Variants in B4GALNT2 observed in about 807,000 individuals in gnomAD.
The protein encoded by B4GALNT2 is beta-1,4-N-acetyl-galactosaminyltransferase 2 (SID blood group), also known as N-acetylneuraminylgalactosylglucosyl-glucoside beta-1,4-N- acetylgalactosaminyltransferase 2.
B4GALNT2 carries 42 observed loss-of-function variants against 51.1 expected under a neutral mutation model. That is an observed-to-expected ratio of 0.82 (90% confidence interval 0.64 to 1.06). The LOEUF (loss-of-function observed/expected upper bound fraction) is 1.06. Among genes scored for constraint, B4GALNT2 ranks in the 50% least tolerant of loss-of-function variants. B4GALNT2 has a pLI of 0.00. For synonymous variants in B4GALNT2, 253 were observed against 251.7 expected (o/e 1.01, Z -0.05); for missense variants, 602 against 633.6 (o/e 0.95, Z 0.54).
At chr17:49,129,977 C>A (rs1169845384), upstream of B4GALNT2, among the ~76,000 whole-genome samples, 1 of 152,178 alleles carries the variant, frequency 6.6e-6, no homozygotes, top group East Asian at 1.9e-4. Flanking sequence ...AGGGTAGCAG[C>A]AGGGCAGCTG....
In B4GALNT2 at chr17:49,164,212, C is replaced by G; in HGVS notation, c.891C>G (p.Asp297Glu). 1 of 1,613,710 alleles carries G rather than the reference C, an allele frequency of 6.2e-7. No individual in the cohort carries two copies. Among genetic ancestry groups the G allele is most frequent in the Non-Finnish European group, 8.5e-7 (1 of 1,179,602 alleles). ...ACTTGACCGTAATAGTGGCTGATGA[C>G]AGCCAGAAGCCCCTGGAAATTAAAG... ...YPDLTVIVAD[D>E]SQKPLEIKDN... The change falls in exon 8 of 11, where the codon GAC becomes GAG. Residue 297 changes from aspartate (D) to glutamate (E), a missense_variant. Asp to Glu is a conservative substitution (Grantham distance 45, BLOSUM62 2). Coordinates refer to ENST00000393354, the MANE Select transcript of B4GALNT2 (RefSeq NM_001159387.2).
Position 49,175,324 on chromosome 17 carries a change from T to TC in B4GALNT2, c.*5600dup, listed in dbSNP as rs1188947128. The TC allele has an allele frequency of 2.0e-5, 3 of 152,174 alleles. No individual in the cohort carries two copies. The highest frequency in any genetic ancestry group is 2.0e-4 in the Admixed American group (3 of 15,272). The allele number at this position is 152,174 out of a possible 1,614,324, so 9.4% of individuals were successfully genotyped here. A position where few individuals can be genotyped will look rare whatever the true frequency, so the allele number is the denominator to read the frequency against. On this transcript the variant is annotated 3_prime_UTR_variant, in exon 11 of 11. Transcript: ENST00000393354. ...TCTCCTATTCGTTTAATTTCACTTT[T>TC]CCCCATTTCCACATACGGCACAATC...
At chr17:49,142,246 C>G in intron 3 of B4GALNT2, 74 bp downstream of exon 3, 1 of 1,563,916 alleles carries the variant, frequency 6.4e-7, no homozygotes, top group East Asian at 2.3e-5. Context: ...GGTTGTGAAT[C>G]TTAAGAGAAA....
In B4GALNT2 at chr17:49,175,065, T is replaced by C. The variant is rs1455077801; in HGVS notation, c.*5337T>C. On this transcript the variant is annotated 3_prime_UTR_variant, in exon 11 of 11. Coordinates refer to ENST00000393354, the MANE Select transcript of B4GALNT2 (RefSeq NM_001159387.2). ...ATCGGGCCCCTCACAATGCAAAATA[T>C]AATTACTTTGATATACTTCAGGGGC... 1 of 152,176 alleles carries C rather than the reference T, an allele frequency of 6.6e-6. No individual in the cohort carries two copies. The highest frequency in any genetic ancestry group is 2.4e-5 in the African/African-American group (1 of 41,436). 9.4% of individuals were successfully genotyped at this position (152,176 alleles called of 1,614,324 possible). A position where few individuals can be genotyped will look rare whatever the true frequency, so the allele number is the denominator to read the frequency against.
Position 49,173,104 on chromosome 17 carries a change from C to T in B4GALNT2, c.*3376C>T, listed in dbSNP as rs2042967361. On this transcript the variant is annotated 3_prime_UTR_variant, in exon 11 of 11. Coordinates refer to ENST00000393354, the MANE Select transcript of B4GALNT2 (RefSeq NM_001159387.2). ...TTGCATTAGCAACTAGGTGATCAGCCATTTGATTCCCTTCAGTTAAAGGTC... is the reference window on the plus strand; with the variant it reads ...TTGCATTAGCAACTAGGTGATCAGCTATTTGATTCCCTTCAGTTAAAGGTC... 6.6e-6 allele frequency: 1 copy of T among 152,168 alleles called. No homozygotes were observed. The highest frequency in any genetic ancestry group is 2.4e-5 in the African/African-American group (1 of 41,432). The allele number at this position is 152,168 out of a possible 1,614,324, so 9.4% of individuals were successfully genotyped here. A position where few individuals can be genotyped will look rare whatever the true frequency, so the allele number is the denominator to read the frequency against.
At chr17:49,123,977 T>C in the B4GALNT2 span, among the ~76,000 whole-genome samples, 1 of 152,206 alleles carries the variant, frequency 6.6e-6, no homozygotes, top group African/African-American at 2.4e-5. Context: ...CTTATGCAAA[T>C]AACTATATTG....
intron 3 of B4GALNT2, among the ~76,000 whole-genome samples, chr17:49,150,543 T>C (rs1017009978): frequency 1.4e-4 from 22 of 151,784 alleles, no homozygotes; most frequent in African/African-American, 5.1e-4. Flanking sequence ...TAGAAAGAGG[T>C]AGACGTGGGA....
chr17:49,164,693 G>C (rs1013311101), intron 8 of B4GALNT2, among the ~76,000 whole-genome samples: 1 of 151,922 alleles, frequency 6.6e-6, no homozygotes, highest in Non-Finnish European at 1.5e-5. Flanking sequence ...GTAGAGGCAG[G>C]GTTCACCGTG....
At chr17:49,152,934 C>A in intron 4 of B4GALNT2, 28 bp downstream of exon 4, 3 of 1,562,950 alleles carry the variant, frequency 1.9e-6, no homozygotes, top group East Asian at 2.3e-5. Flanking sequence ...CCAAGAGACC[C>A]CAGACAACAT....
rs2042931800 is a variant in B4GALNT2, at chr17:49,168,620, G to A, written c.1096-61G>A. The A allele has an allele frequency of 5.3e-6, 8 of 1,498,538 alleles. No homozygotes were observed. In the South Asian group the frequency reaches 9.5e-5, roughly 18 times the overall value. The allele number at this position is 1,498,538 out of a possible 1,614,324, so 92.8% of individuals were successfully genotyped here. A position where few individuals can be genotyped will look rare whatever the true frequency, so the allele number is the denominator to read the frequency against. On this transcript the variant is annotated intron_variant, in intron 9 of 10. Coordinates refer to ENST00000393354, the MANE Select transcript of B4GALNT2 (RefSeq NM_001159387.2). ...GAGGTGCAGTCCAGCGAGTCTTCCT[G>A]GAAGAGGCAGGATGAATATTGATCT...
At chr17:49,150,368 C>A (rs1489674705) in intron 3 of B4GALNT2, among the ~76,000 whole-genome samples, 1 of 152,044 alleles carries the variant, frequency 6.6e-6, no homozygotes, top group Non-Finnish European at 1.5e-5. Flanking sequence ...CCTGGCCACC[C>A]CTACTGGGAA....
intron 3 of B4GALNT2, among the ~76,000 whole-genome samples, chr17:49,147,331 CTTCTT>C (rs1199385705): frequency 6.6e-6 from 1 of 151,450 alleles, no homozygotes. Context: ...TTTTTTTCCT[CTTCTT>C]TTCTTGTTTT....
intron 7 of B4GALNT2, among the ~76,000 whole-genome samples, chr17:49,162,881 C>A (rs1428497248): frequency 8.5e-6 from 1 of 118,016 alleles, no homozygotes; most frequent in African/African-American, 3.3e-5. Context: ...CCATTGCACT[C>A]CAGTCTGGGT....
chr17:49,142,740 G>A (rs2042656818), intron 3 of B4GALNT2, among the ~76,000 whole-genome samples: 1 of 151,966 alleles, frequency 6.6e-6, no homozygotes, highest in African/African-American at 2.4e-5. Flanking sequence ...AAAACAAAAG[G>A]AATGGAGATA....
chr17:49,135,779 C>T (rs1001445395), intron 1 of B4GALNT2, among the ~76,000 whole-genome samples: 2 of 151,014 alleles, frequency 1.3e-5, no homozygotes, highest in Admixed American at 1.3e-4. Context: ...AAAGGAAAAT[C>T]CTGGCCCGGC....
At chr17:49,164,043 G>A (rs1223679239) in intron 7 of B4GALNT2, 45 bp from the exon 8 acceptor site, 2 of 1,560,144 alleles carry the variant, frequency 1.3e-6, no homozygotes, top group Non-Finnish European at 1.8e-6. Context: ...AGACAGTGAA[G>A]CTTCCTACAG....
intron 6 of B4GALNT2, 93 bp from the exon 7 acceptor site, chr17:49,160,462 C>A (rs1380556291): frequency 1.7e-6 from 2 of 1,180,370 alleles, no homozygotes; most frequent in Non-Finnish European, 1.3e-6. Flanking sequence ...CCCACCAAAC[C>A]TGTACTCGCC....
chr17:49,160,673 G>A (rs1370720143), intron 7 of B4GALNT2, 32 bp downstream of exon 7: 2 of 1,573,354 alleles, frequency 1.3e-6, no homozygotes, highest in Non-Finnish European at 1.7e-6. Context: ...CTCCGTGGTG[G>A]CAACCCTGTG....
intron 5 of B4GALNT2, among the ~76,000 whole-genome samples, chr17:49,157,171 CT>C (rs1459706617): frequency 6.6e-6 from 1 of 152,028 alleles, no homozygotes; most frequent in African/African-American, 2.4e-5. Flanking sequence ...ATGTTGTCTT[CT>C]TTTTTTGAGA....
Sources: allele counts gnomAD v4.1 joint callset (sites outside exome capture counted in the v4.1 genomes callset), GRCh38; gene constraint gnomAD v4.1.1; transcripts MANE v1.5; gene names NCBI Gene and HGNC (gene_info 2026-07-23, HGNC 2026-07-21).